GALNTL5: variants seen among roughly 807,000 people sequenced by gnomAD.
GALNTL5 encodes the protein inactive polypeptide N-acetylgalactosaminyltransferase-like protein 5.
GALNTL5 carries 44 observed loss-of-function variants against 51.0 expected under a neutral mutation model. That is an observed-to-expected ratio of 0.86 (90% confidence interval 0.68 to 1.11). The LOEUF is 1.11. Among genes scored for constraint, GALNTL5 ranks in the 50% least tolerant of loss-of-function variants. GALNTL5 has a pLI of 0.00. For missense variants in GALNTL5, 528 were observed against 531.8 expected, an observed-to-expected ratio of 0.99 and a Z score of 0.07; for synonymous variants, 192 against 182.8, an observed-to-expected ratio of 1.05 and a Z score of -0.41.
chr7:152,001,115 G>A (rs1360962626), intron 5 of GALNTL5, among the ~76,000 whole-genome samples: 1 of 150,218 alleles, frequency 6.7e-6, no homozygotes, highest in Non-Finnish European at 1.5e-5. Flanking sequence ...GTTTCGCTAT[G>A]TTGGCCAGGC....
chr7:151,963,323 T>C (rs1290165460), intron 1 of GALNTL5, among the ~76,000 whole-genome samples: 3 of 152,246 alleles, frequency 2.0e-5, no homozygotes, highest in Non-Finnish European at 4.4e-5. Flanking sequence ...AGGTCTCAAC[T>C]TTCTCTTAGG....
chr7:151,971,117 A>AGATAGAT, intron 3 of GALNTL5, 52 bp downstream of exon 3: 1 of 1,274,464 alleles, frequency 7.8e-7, no homozygotes. Flanking sequence ...ATAGATAGAT[A>AGATAGAT]GATAGATAGA....
chr7:152,008,122 T>G (rs570534643), intron 7 of GALNTL5, among the ~76,000 whole-genome samples, 178 bp downstream of exon 7: 4 of 152,164 alleles, frequency 2.6e-5, no homozygotes, highest in Admixed American at 6.5e-5. Context: ...TAATAAAATA[T>G]TAGATTCTTG....
chr7:152,007,839 G>T lies in GALNTL5; in HGVS notation c.921G>T (p.Met307Ile), dbSNP rs191588081. The change falls in exon 7 of 9, where the codon ATG becomes ATT. Residue 307 changes from methionine to isoleucine, a missense_variant. Met to Ile is a conservative substitution (Grantham distance 10). Transcript: ENST00000392800. ...GSTKPIRSPA[M>I]SGGIFAIRRH... Reference sequence around the variant, plus strand: ...GTCCCCTTTCTAGGTCACCTGCAATGTCTGGAGGAATTTTTGCTATACGTC... The same window carrying T: ...GTCCCCTTTCTAGGTCACCTGCAATTTCTGGAGGAATTTTTGCTATACGTC... 1 of 1,599,088 alleles carries T rather than the reference G, an allele frequency of 6.3e-7. No individual in the cohort carries two copies. The highest frequency in any genetic ancestry group is 1.3e-5 in the African/African-American group (1 of 74,722).
rs747623447 is a variant in GALNTL5 at position 152,007,862 on chromosome 7, G to T, written c.944G>T (p.Arg315Leu). The T allele has an allele frequency of 6.2e-7, 1 of 1,612,000 alleles. No homozygotes were observed. The highest frequency in any genetic ancestry group is 8.5e-7 in the Non-Finnish European group (1 of 1,178,676). The part of the protein sequence containing the change: ...PAMSGGIFAI[R>L]RHYFNEIGQY... ...ATGTCTGGAGGAATTTTTGCTATAC[G>T]TCGGCATTATTTTAATGAAATTGGA... Residue 315 changes from arginine to leucine, a missense_variant, in exon 7 of 9, where the codon CGT becomes CTT. Physicochemically the swap from Arg to Leu is moderately radical, Grantham distance 102. Transcript: ENST00000392800.
chr7:152,002,398 G>A (rs2081591638), intron 5 of GALNTL5, among the ~76,000 whole-genome samples: 2 of 152,046 alleles, frequency 1.3e-5, no homozygotes, highest in Non-Finnish European at 2.9e-5. Context: ...AATTTAAGCT[G>A]ATCAGTCAAG....
At chr7:152,000,017 G>A (rs1264775971) in intron 5 of GALNTL5, among the ~76,000 whole-genome samples, 1 of 152,240 alleles carries the variant, frequency 6.6e-6, no homozygotes, top group Non-Finnish European at 1.5e-5. Context: ...TGGTGAGAGA[G>A]ACTTGATATG....
intron 1 of GALNTL5, among the ~76,000 whole-genome samples, chr7:151,959,969 C>T (rs533202032): frequency 6.6e-6 from 1 of 152,116 alleles, no homozygotes; most frequent in Non-Finnish European, 1.5e-5. Flanking sequence ...CTTCCTCCTT[C>T]CCTGGATAGA....
In GALNTL5 at chr7:152,011,249, AT is replaced by A. The variant is rs902456372; in HGVS notation, c.1026+3313del. Among the ~76,000 whole-genome samples, 80 of 152,144 alleles carry A rather than the reference AT, an allele frequency of 5.3e-4. 1 individual carries two copies. The Middle Eastern group carries it at 0.017, about 32-fold the overall frequency. On this transcript the variant is annotated intron_variant, in intron 7 of 8. Coordinates refer to ENST00000392800, the MANE Select transcript of GALNTL5 (RefSeq NM_145292.4). ...GTATTGGAAGCCTCCAATGCTCTGAATTTTTTTTCAGTTGCCCTGAACTCAG... is the reference window on the plus strand; with the variant it reads ...GTATTGGAAGCCTCCAATGCTCTGAATTTTTTTCAGTTGCCCTGAACTCAG...
In GALNTL5 at chr7:152,007,838, T is replaced by C. The variant is rs1483208029; in HGVS notation, c.920T>C (p.Met307Thr). The C allele has an allele frequency of 6.3e-7, 1 of 1,593,944 alleles. No individual in the cohort carries two copies. Among genetic ancestry groups the C allele is most frequent in the South Asian group, 1.1e-5 (1 of 90,474 alleles). Residue 307 changes from methionine (M) to threonine (T), a missense_variant, in exon 7 of 9, where the codon ATG becomes ACG. Physicochemically the swap from Met to Thr is moderately conservative, Grantham distance 81. Transcript: ENST00000392800. ...TGTCCCCTTTCTAGGTCACCTGCAATGTCTGGAGGAATTTTTGCTATACGT... is the reference window on the plus strand; with the variant it reads ...TGTCCCCTTTCTAGGTCACCTGCAACGTCTGGAGGAATTTTTGCTATACGT... Reference protein sequence around the residue: ...GSTKPIRSPAMSGGIFAIRRH... With the variant: ...GSTKPIRSPATSGGIFAIRRH...
At chr7:152,000,470 G>A (rs552097352) in intron 5 of GALNTL5, among the ~76,000 whole-genome samples, 9 of 152,292 alleles carry the variant, frequency 5.9e-5, no homozygotes, top group East Asian at 5.8e-4. Flanking sequence ...CCCAGAGAGT[G>A]CCCTTCAGGC....
intron 4 of GALNTL5, among the ~76,000 whole-genome samples, chr7:151,984,709 G>C (rs1269551444): frequency 6.6e-6 from 1 of 152,146 alleles, no homozygotes; most frequent in Non-Finnish European, 1.5e-5. Flanking sequence ...TGCCTCTTCT[G>C]CTCAAAAGAC....
intron 3 of GALNTL5, among the ~76,000 whole-genome samples, chr7:151,977,906 CTT>C (rs2081227883): frequency 6.6e-6 from 1 of 152,118 alleles, no homozygotes; most frequent in Admixed American, 6.6e-5. Context: ...ACCATACCTT[CTT>C]TCTCATTTTT....
At chr7:151,988,843 G>A (rs562470128) in intron 5 of GALNTL5, among the ~76,000 whole-genome samples, 90 of 151,874 alleles carry the variant, frequency 5.9e-4, no homozygotes, top group African/African-American at 2.0e-3. Flanking sequence ...TGGGATTACA[G>A]GTGCCCGCCA....
At chr7:151,993,757 TGCAAGCAGGA>T (rs1342914394) in intron 5 of GALNTL5, among the ~76,000 whole-genome samples, 1 of 151,994 alleles carries the variant, frequency 6.6e-6, no homozygotes, top group African/African-American at 2.4e-5. Context: ...ATGTTGGAAT[TGCAAGCAGGA>T]GTCACCACAC....
intron 8 of GALNTL5, among the ~76,000 whole-genome samples, chr7:152,018,552 A>T (rs2081848346): frequency 6.6e-6 from 1 of 152,196 alleles, no homozygotes; most frequent in South Asian, 2.1e-4. Context: ...CAGAGCAAAA[A>T]GTTAACTTAA....
intron 5 of GALNTL5, among the ~76,000 whole-genome samples, chr7:151,988,559 A>C (rs1365301310): frequency 6.6e-6 from 1 of 152,170 alleles, no homozygotes; most frequent in Non-Finnish European, 1.5e-5. Flanking sequence ...CTCTTATTTA[A>C]CTGCAAAGAT....
intron 1 of GALNTL5, among the ~76,000 whole-genome samples, chr7:151,960,906 T>A (rs1292108152): frequency 6.6e-6 from 1 of 152,204 alleles, no homozygotes; most frequent in Admixed American, 6.5e-5. Context: ...GGGGACAATG[T>A]CCTATTCTGG....
chr7:151,979,551 C>T (rs2081253159), intron 3 of GALNTL5, among the ~76,000 whole-genome samples: 1 of 151,608 alleles, frequency 6.6e-6, no homozygotes, highest in African/African-American at 2.4e-5. Context: ...CCTCCACCTC[C>T]CGGGTTCAAG....
Sources: gnomAD v4.1 joint callset for allele counts (sites outside exome capture counted in the v4.1 genomes callset) on GRCh38, gnomAD v4.1.1 for gene constraint, MANE v1.5 for transcripts, NCBI Gene and HGNC (gene_info 2026-07-23, HGNC 2026-07-21) for gene names.